The following CDH8 variants were observed in gnomAD, a reference collection of about 807,000 sequenced individuals.
The protein encoded by CDH8 is cadherin 8.
In CDH8, 17 loss-of-function variants were observed where a neutral mutation model predicts 68.1. That is an observed-to-expected ratio of 0.25 (90% CI 0.17 to 0.37). The LOEUF is 0.37. Ranked by LOEUF, CDH8 falls within the 10% of genes least tolerant of loss-of-function variation. The probability of loss-of-function intolerance (pLI) is 1.00; values close to 1 mark genes in which losing one functional copy is unlikely to be tolerated. For missense variants in CDH8, 763 were observed against 999.3 expected (o/e 0.76, Z 3.19); for synonymous variants, 372 against 365.1 (o/e 1.02, Z -0.21).
chr16:61,915,528 G>T (rs750941191), intron 2 of CDH8, among the ~76,000 whole-genome samples: 8 of 152,098 alleles, frequency 5.3e-5, no homozygotes, highest in African/African-American at 1.7e-4. Context: ...TCAACATTAC[G>T]CACCAGAACC....
At chr16:61,868,850 A>C (rs1475530088) in intron 3 of CDH8, among the ~76,000 whole-genome samples, 1 of 152,196 alleles carries the variant, frequency 6.6e-6, no homozygotes, top group East Asian at 1.9e-4. Flanking sequence ...CTTGGCAAAC[A>C]CAAAATAATA....
chr16:61,956,612 A>G (rs1230940591), intron 2 of CDH8, among the ~76,000 whole-genome samples: 1 of 152,228 alleles, frequency 6.6e-6, no homozygotes, highest in Non-Finnish European at 1.5e-5. Context: ...AAGTCCCTGA[A>G]CAGTATTTTT....
chr16:61,710,184 G>A (rs897333028), intron 10 of CDH8, among the ~76,000 whole-genome samples: 1 of 152,098 alleles, frequency 6.6e-6, no homozygotes, highest in Non-Finnish European at 1.5e-5. Context: ...GCACAACTAT[G>A]AGACAGGTAT....
chr16:61,726,825 T>C, intron 9 of CDH8: 1 of 473,242 alleles, frequency 2.1e-6, no homozygotes, highest in Non-Finnish European at 3.7e-6. Flanking sequence ...CTATCATCCA[T>C]ATCCCAAGAT....
chr16:61,904,308 G>A (rs1208814912), intron 2 of CDH8, among the ~76,000 whole-genome samples: 1 of 152,172 alleles, frequency 6.6e-6, no homozygotes, highest in Non-Finnish European at 1.5e-5. Flanking sequence ...ACATAAGTGT[G>A]TCATATCATA....
chr16:61,662,783 G>T (rs1209591430), intron 10 of CDH8, among the ~76,000 whole-genome samples: 1 of 151,764 alleles, frequency 6.6e-6, no homozygotes, highest in Non-Finnish European at 1.5e-5. Context: ...TAAATACTAT[G>T]CCATTTTATG....
intron 2 of CDH8, chr16:61,940,380 G>A (rs1236051197): frequency 7.2e-6 from 1 of 139,476 alleles, no homozygotes; most frequent in Non-Finnish European, 1.5e-5. Context: ...GGAGAGCTAT[G>A]GTAATGAACT....
rs577504254 is a variant in CDH8, at chr16:62,005,597, G to A, written c.252+15555C>T. Among the ~76,000 whole-genome samples the A allele has an allele frequency of 3.3e-5, 5 of 152,122 alleles. No homozygotes were observed. In the South Asian group the frequency reaches 6.2e-4, roughly 19 times the overall value. On this transcript the variant is annotated intron_variant, in intron 2 of 11. Coordinates refer to ENST00000577390, the MANE Select transcript of CDH8 (RefSeq NM_001796.5). ...CTAAAAATACAAAAATTAGCTGGGCGTGGAGGTGTGTGCCTGTAATCCCAG... is the reference window on the plus strand; with the variant it reads ...CTAAAAATACAAAAATTAGCTGGGCATGGAGGTGTGTGCCTGTAATCCCAG...
At chr16:61,876,327 G>A (rs745493952) in intron 3 of CDH8, among the ~76,000 whole-genome samples, 15 of 152,046 alleles carry the variant, frequency 9.9e-5, no homozygotes, top group Non-Finnish European at 2.1e-4. Flanking sequence ...TCAAATAAGC[G>A]TAAATTTCCA....
chr16:61,944,394 C>A (rs1023278051), intron 2 of CDH8, among the ~76,000 whole-genome samples: 2 of 152,166 alleles, frequency 1.3e-5, no homozygotes, highest in Admixed American at 1.3e-4. Context: ...TCTAAGGGTT[C>A]TCAGTTGTTC....
At chr16:61,940,427 C>A (rs893711079) in intron 2 of CDH8, 30 of 107,882 alleles carry the variant, frequency 2.8e-4, no homozygotes, top group African/African-American at 1.4e-3. Flanking sequence ...TGAGACGGAG[C>A]CTCGCTCTGT....
At chr16:61,948,239 C>T (rs1220142214) in intron 2 of CDH8, among the ~76,000 whole-genome samples, 1 of 152,130 alleles carries the variant, frequency 6.6e-6, no homozygotes, top group Non-Finnish European at 1.5e-5. Flanking sequence ...GAATTAGCTT[C>T]TGAGGATTTC....
chr16:61,851,042 T>G (rs1160509488), intron 4 of CDH8, among the ~76,000 whole-genome samples: 1 of 152,058 alleles, frequency 6.6e-6, no homozygotes. Flanking sequence ...CCTTCTGAAA[T>G]GTCTTCACTA....
intron 8 of CDH8, among the ~76,000 whole-genome samples, chr16:61,729,995 G>GCA (rs35622399): frequency 0.23 from 34,915 of 148,846 alleles, 4,098 homozygotes; most frequent in East Asian, 0.27. Context: ...ACGTGTGCAT[G>GCA]CACACACACA....
intron 7 of CDH8, among the ~76,000 whole-genome samples, chr16:61,796,559 A>C (rs571833297): frequency 7.2e-5 from 11 of 152,182 alleles, no homozygotes; most frequent in African/African-American, 2.4e-4. Flanking sequence ...ACTGCAATAG[A>C]TATAGTTTAG....
chr16:61,916,520 A>C (rs1964241362), intron 2 of CDH8, among the ~76,000 whole-genome samples: 1 of 152,180 alleles, frequency 6.6e-6, no homozygotes, highest in African/African-American at 2.4e-5. Context: ...ATCTCAAAAA[A>C]TAAGTAAATA....
intron 4 of CDH8, among the ~76,000 whole-genome samples, chr16:61,831,461 T>C (rs1962453059): frequency 6.6e-6 from 1 of 151,810 alleles, no homozygotes. Context: ...TTCAGGAGTT[T>C]AAGAATTTAA....
intron 8 of CDH8, among the ~76,000 whole-genome samples, chr16:61,732,607 T>C (rs967562666): frequency 2.7e-4 from 41 of 151,926 alleles, no homozygotes; most frequent in African/African-American, 8.4e-4. Context: ...GAATCCCTGC[T>C]ACACTCACAA....
At chr16:61,989,215 T>A (rs1965676081) in intron 2 of CDH8, among the ~76,000 whole-genome samples, 1 of 152,170 alleles carries the variant, frequency 6.6e-6, no homozygotes. Context: ...AAATTTAAAT[T>A]TCACAAATTT....
Sources: allele counts gnomAD v4.1 joint callset (sites outside exome capture counted in the v4.1 genomes callset), GRCh38; gene constraint gnomAD v4.1.1; transcripts MANE v1.5; gene names NCBI Gene and HGNC (gene_info 2026-07-23, HGNC 2026-07-21).